The following ALG9 variants were observed in gnomAD, a reference collection of about 807,000 sequenced individuals.
ALG9 encodes the protein alpha-1,2-mannosyltransferase ALG9.
Under a neutral mutation model 81.8 loss-of-function variants are expected in ALG9, and 55 were observed. The ratio of observed to expected loss-of-function variants is 0.67; its 90% CI spans 0.54 to 0.84. The LOEUF (loss-of-function observed/expected upper bound fraction) is 0.84, where lower values mean the gene tolerates loss of function less well. ALG9 is among the 40% of genes least tolerant of loss of function. The probability of loss-of-function intolerance (pLI) is 0.00; values close to 1 mark genes in which losing one functional copy is unlikely to be tolerated. For missense variants in ALG9, 629 were observed against 745.0 expected, an observed-to-expected ratio of 0.84 and a Z score of 1.81; for synonymous variants, 278 against 274.3, an observed-to-expected ratio of 1.01 and a Z score of -0.13.
chr11:111,802,157 G>C (rs1949222100), intron 14 of ALG9, among the ~76,000 whole-genome samples: 4 of 152,312 alleles, frequency 2.6e-5, no homozygotes, highest in Admixed American at 2.6e-4. Context: ...TTACTCATTA[G>C]ATCACTTCCC....
intron 12 of ALG9, among the ~76,000 whole-genome samples, chr11:111,837,249 G>A (rs953571687): frequency 3.3e-5 from 5 of 152,176 alleles, no homozygotes; most frequent in Non-Finnish European, 7.3e-5. Context: ...GTTATGGGCA[G>A]TGCAGAATGT....
In ALG9 at chr11:111,850,893, C is replaced by T. The variant is rs145138037; in HGVS notation, c.895+2487G>A. ...GTTTCAACAAAGTTTTTGCTACCCC[C>T]AGGAAAGTGATCAGTTTCTGTACAT... On this transcript the variant is annotated intron_variant, in intron 8 of 14. Coordinates refer to ENST00000616540, the MANE Select transcript of ALG9 (RefSeq NM_024740.2). Among the ~76,000 whole-genome samples the T allele has an allele frequency of 1.5e-3, 223 of 152,094 alleles. 4 individuals are homozygous for T. The East Asian group carries it at 0.038, about 26-fold the overall frequency.
chr11:111,864,301 GC>G, intron 4 of ALG9: 2 of 1,077,426 alleles, frequency 1.9e-6, no homozygotes, highest in Non-Finnish European at 2.9e-6. Flanking sequence ...TGGTTCAACA[GC>G]CCCGGCTGGA....
the ALG9 span, among the ~76,000 whole-genome samples, chr11:111,776,404 A>T: frequency 6.6e-6 from 1 of 152,142 alleles, no homozygotes; most frequent in African/African-American, 2.4e-5. Flanking sequence ...AGCCTGGCCA[A>T]CATGGTGAAA....
At chr11:111,830,550 T>C (rs1416010751) in intron 13 of ALG9, among the ~76,000 whole-genome samples, 2 of 152,220 alleles carry the variant, frequency 1.3e-5, no homozygotes, top group African/African-American at 2.4e-5. Context: ...TTTAGAGAAG[T>C]ATTTTGAACA....
intron 14 of ALG9, among the ~76,000 whole-genome samples, chr11:111,796,435 A>T (rs1481965376): frequency 2.0e-5 from 3 of 152,260 alleles, no homozygotes; most frequent in Non-Finnish European, 4.4e-5. Context: ...ATGGACTTAG[A>T]GAACAGATGG....
chr11:111,867,702 C>G (rs1425448540), intron 3 of ALG9, among the ~76,000 whole-genome samples: 4 of 152,136 alleles, frequency 2.6e-5, no homozygotes, highest in African/African-American at 9.7e-5. Flanking sequence ...TATGACAGGT[C>G]ATTTTCAGTT....
intron 13 of ALG9, among the ~76,000 whole-genome samples, chr11:111,819,785 C>T (rs1952034540): frequency 6.6e-6 from 1 of 152,218 alleles, no homozygotes; most frequent in African/African-American, 2.4e-5. Context: ...ACCTTGTAAG[C>T]TCTGTGAAGG....
At chr11:111,836,144 A>G (rs782615926) in intron 13 of ALG9, 21 bp downstream of exon 13, 1 of 1,613,614 alleles carries the variant, frequency 6.2e-7, no homozygotes. Flanking sequence ...CAGAGAAGCA[A>G]GAAGAGAATG....
chr11:111,865,263 C>T lies in ALG9; in HGVS notation c.406-12G>A. ...TAAAACACAAGAATCTAAAAGAAAC[C>T]CAGAAAAAGAAAACAGAAGTCACAG... On this transcript the variant is annotated splice_polypyrimidine_tract_variant and intron_variant, in intron 3 of 14. Transcript: ENST00000616540. 1 of 1,546,882 alleles carries T rather than the reference C, an allele frequency of 6.5e-7. No individual in the cohort carries two copies. The highest frequency in any genetic ancestry group is 8.7e-7 in the Non-Finnish European group (1 of 1,144,640).
the ALG9 span, among the ~76,000 whole-genome samples, chr11:111,773,220 G>C: frequency 6.6e-6 from 1 of 152,232 alleles, no homozygotes; most frequent in African/African-American, 2.4e-5. Context: ...GTCAGGATTA[G>C]TATCTCCTTT....
At chr11:111,775,921 T>G in the ALG9 span, among the ~76,000 whole-genome samples, 1 of 152,152 alleles carries the variant, frequency 6.6e-6, no homozygotes, top group African/African-American at 2.4e-5. Context: ...AGGTCTACCA[T>G]TTTCTACCTA....
intron 13 of ALG9, among the ~76,000 whole-genome samples, chr11:111,825,478 A>C (rs1953075753): frequency 6.6e-6 from 1 of 152,184 alleles, no homozygotes; most frequent in African/African-American, 2.4e-5. Flanking sequence ...CTAAATATTC[A>C]ATGTTATTTC....
intron 13 of ALG9, among the ~76,000 whole-genome samples, chr11:111,820,501 AATCTATTCATG>A (rs1952156020): frequency 1.3e-5 from 2 of 152,176 alleles, no homozygotes; most frequent in African/African-American, 4.8e-5. Context: ...TAATGGCATT[AATCTATTCATG>A]AGGGCAGATG....
At chr11:111,857,491 A>G in intron 6 of ALG9, 111 bp downstream of exon 6, 2 of 1,422,806 alleles carry the variant, frequency 1.4e-6, no homozygotes, top group Non-Finnish European at 2.0e-6. Flanking sequence ...AGAATCTTTG[A>G]AAGCCCAATT....
intron 1 of ALG9, 101 bp from the exon 2 acceptor site, chr11:111,870,471 G>A (rs1174096524): frequency 7.2e-7 from 1 of 1,383,550 alleles, no homozygotes; most frequent in Non-Finnish European, 9.6e-7. Flanking sequence ...AAGGGCAAGG[G>A]ACATCAAAGC....
rs17113312 is a variant in ALG9 at position 111,853,674 on chromosome 11, G to A, written c.764C>T (p.Ser255Leu). ...KHRWKSFFHW[S>L]LMALILFLVP... is the part of the protein sequence containing the mutation. ...CAGAAATAGTATGAGGGCCATCAGC[G>A]ACCAATGAAAGAAACTCTTCCACCT... The change falls in exon 7 of 15, where the codon TCG becomes TTG. Residue 255 changes from serine to leucine, a missense_variant. Physicochemically the swap from Ser to Leu is moderately radical, Grantham distance 145 (BLOSUM62 -2). Around this residue, in one of 3 missense-constraint regions of ALG9, gnomAD observed 344 missense variants for 390.5 expected, o/e 0.88. Coordinates refer to ENST00000616540, the MANE Select transcript of ALG9 (RefSeq NM_024740.2). 3,437 of 1,613,976 alleles carry A rather than the reference G, an allele frequency of 2.1e-3. 84 individuals are homozygous for A. The African/African-American group carries it at 0.041, about 19-fold the overall frequency.
chr11:111,808,097 G>A (rs1950194018), intron 14 of ALG9, among the ~76,000 whole-genome samples: 1 of 152,132 alleles, frequency 6.6e-6, no homozygotes, highest in African/African-American at 2.4e-5. Context: ...TTGTTAAGAA[G>A]AAGCACTATT....
At chr11:111,865,736 C>T (rs1962160406) in intron 3 of ALG9, among the ~76,000 whole-genome samples, 2 of 152,048 alleles carry the variant, frequency 1.3e-5, no homozygotes, top group South Asian at 4.2e-4. Flanking sequence ...ACATCAGTTA[C>T]AGCTATGGAC....
Sources: allele counts gnomAD v4.1 joint callset (sites outside exome capture counted in the v4.1 genomes callset), GRCh38; gene constraint gnomAD v4.1.1; regional missense constraint gnomAD v4.1.1; transcripts MANE v1.5; gene names NCBI Gene and HGNC (gene_info 2026-07-23, HGNC 2026-07-21).